XPA: variants seen among roughly 807,000 people sequenced by gnomAD.
The protein encoded by XPA is XPA, DNA damage recognition and repair factor, also known as DNA repair protein complementing XP-A cells.
A neutral mutation model predicts 35.7 loss-of-function variants in XPA; 27 were observed. The ratio of observed to expected loss-of-function variants is 0.76; its 90% confidence interval spans 0.56 to 1.04. XPA has a LOEUF of 1.04. XPA is among the 50% of genes least tolerant of loss of function. XPA has a pLI of 0.00. For synonymous variants in XPA, 133 were observed against 118.4 expected (o/e 1.12, Z -0.80); for missense variants, 354 against 342.7 (o/e 1.03, Z -0.26).
chr9:97,691,889 AT>A (rs201565001), intron 2 of XPA, among the ~76,000 whole-genome samples: 18,310 of 47,472 alleles, frequency 0.39, 3,070 homozygotes, highest in African/African-American at 0.58. Flanking sequence ...CTAAATAAAT[AT>A]ATATATATAT....
chr9:97,661,191 TGTTGTTC>T, the XPA span: 1 of 1,210,642 alleles, frequency 8.3e-7, no homozygotes. Context: ...CTGTTCAGAC[TGTTGTTC>T]TTAGCACCCC....
At chr9:97,682,088 A>G (rs934661924) in intron 5 of XPA, 5 of 356,448 alleles carry the variant, frequency 1.4e-5, no homozygotes, top group Non-Finnish European at 2.7e-5. Flanking sequence ...CTATCTATCT[A>G]TACACACCTT....
chr9:97,668,046 A>T, the XPA span, among the ~76,000 whole-genome samples: 1 of 152,214 alleles, frequency 6.6e-6, no homozygotes, highest in African/African-American at 2.4e-5. Context: ...AATTTTGCTT[A>T]AAGTGGAGAG....
intron 5 of XPA, 197 bp from the exon 6 acceptor site, chr9:97,675,784 C>G: frequency 1.5e-6 from 1 of 655,608 alleles, no homozygotes; most frequent in Non-Finnish European, 2.6e-6. Flanking sequence ...ACTAGTTCGG[C>G]CTGTGAATCA....
At chr9:97,654,556 C>T in the XPA span, among the ~76,000 whole-genome samples, 4 of 145,838 alleles carry the variant, frequency 2.7e-5, no homozygotes, top group Non-Finnish European at 5.9e-5. Context: ...TTGCCACAAA[C>T]CTTCAGTTAA....
Position 97,693,643 on chromosome 9 carries a change from CTT to C in XPA, c.283+4_283+5del. The C allele has an allele frequency of 2.5e-6, 4 of 1,613,032 alleles. No homozygotes were observed. Among genetic ancestry groups the C allele is most frequent in the Non-Finnish European group, 3.4e-6 (4 of 1,179,602 alleles). On this transcript the variant is annotated splice_donor_5th_base_variant and intron_variant, in intron 2 of 5. Coordinates refer to ENST00000375128, the MANE Select transcript of XPA (RefSeq NM_000380.4). The stretch of plus-strand genomic sequence containing the variant: ...TAGATACTTATTTTTGAAAAACTCA[CTT>C]TACCTGGTTGATGAACAACTTTTCC...
intron 5 of XPA, among the ~76,000 whole-genome samples, chr9:97,676,387 C>A (rs747741261): frequency 2.6e-5 from 4 of 152,184 alleles, no homozygotes; most frequent in Non-Finnish European, 5.9e-5. Context: ...CCAAGTAAAT[C>A]ATATTTTAAT....
chr9:97,655,471 A>G, the XPA span, among the ~76,000 whole-genome samples: 1 of 152,316 alleles, frequency 6.6e-6, no homozygotes, highest in Admixed American at 6.5e-5. Context: ...TGTGAGAATT[A>G]AATAATAAAC....
chr9:97,696,834 C>T (rs1196152707), intron 1 of XPA, among the ~76,000 whole-genome samples: 1 of 152,186 alleles, frequency 6.6e-6, no homozygotes, highest in East Asian at 1.9e-4. Flanking sequence ...CGGCTGCATC[C>T]CTAAACGAAA....
downstream of XPA, chr9:97,671,394 T>C: frequency 1.9e-6 from 1 of 536,442 alleles, no homozygotes. Context: ...ACGGCAGTAA[T>C]GTGACTATGA....
At chr9:97,696,966 C>A (rs931943238) in intron 1 of XPA, among the ~76,000 whole-genome samples, 155 bp downstream of exon 1, 5 of 152,212 alleles carry the variant, frequency 3.3e-5, no homozygotes, top group Non-Finnish European at 5.9e-5. Context: ...AGGCGGCTGG[C>A]TGGGCGGATT....
chr9:97,665,749 C>G, the XPA span, among the ~76,000 whole-genome samples: 1 of 150,592 alleles, frequency 6.6e-6, no homozygotes, highest in Middle Eastern at 3.4e-3. Flanking sequence ...ACACCGACTT[C>G]GCCCCACCCA....
At chr9:97,674,767 T>C, downstream of XPA, 1 of 374,996 alleles carries the variant, frequency 2.7e-6, no homozygotes, top group South Asian at 2.3e-5. Flanking sequence ...CTACTTAAAA[T>C]AAACATCAGT....
At chr9:97,666,749 C>T in the XPA span, 1 of 1,522,232 alleles carries the variant, frequency 6.6e-7, no homozygotes, top group African/African-American at 1.4e-5. Flanking sequence ...AACCAAATGC[C>T]ATATTTCTTT....
the XPA span, chr9:97,662,949 A>G: frequency 1.2e-6 from 2 of 1,601,138 alleles, no homozygotes; most frequent in African/African-American, 1.3e-5. Context: ...CATCATTATC[A>G]AAAGGTTTCA....
At chr9:97,667,810 C>T in the XPA span, among the ~76,000 whole-genome samples, 4 of 152,170 alleles carry the variant, frequency 2.6e-5, no homozygotes, top group Non-Finnish European at 4.4e-5. Context: ...TCAGTAGTAA[C>T]GTGTGGTTGC....
At chr9:97,672,282 T>C (rs1828215413), downstream of XPA, 1 of 152,228 alleles carries the variant, frequency 6.6e-6, no homozygotes, top group South Asian at 2.1e-4. Context: ...GGTAGTGTTG[T>C]TGTGCATTTG....
chr9:97,694,693 A>G (rs1177449846), intron 1 of XPA, among the ~76,000 whole-genome samples: 1 of 152,234 alleles, frequency 6.6e-6, no homozygotes. Flanking sequence ...CCGTTTGGCA[A>G]TATCTACTAA....
chr9:97,697,114 C>T lies in XPA; in HGVS notation c.172+7G>A, dbSNP rs751740415. On this transcript the variant is annotated splice_region_variant and intron_variant, in intron 1 of 5. Transcript: ENST00000375128. ...AGGGAAGGGGAAAGCGCGGACGCGG[C>T]CCAAACCTCCAGTAGCCGCAGCCGC... 31 of 1,539,848 alleles carry T rather than the reference C, an allele frequency of 2.0e-5. No individual in the cohort carries two copies. The East Asian group carries it at 7.1e-4, about 35-fold the overall frequency.
Sources: gnomAD v4.1 joint callset for allele counts (sites outside exome capture counted in the v4.1 genomes callset) on GRCh38, gnomAD v4.1.1 for gene constraint, MANE v1.5 for transcripts, NCBI Gene and HGNC (gene_info 2026-07-23, HGNC 2026-07-21) for gene names.